The following LAMA2 variants were observed in gnomAD, a reference collection of about 807,000 sequenced individuals.
LAMA2 encodes laminin subunit alpha-2.
LAMA2 carries 269 observed loss-of-function variants against 364.8 expected under a neutral mutation model. The ratio of observed to expected loss-of-function variants is 0.74; its 90% CI spans 0.67 to 0.82. The LOEUF (loss-of-function observed/expected upper bound fraction) is 0.82, where lower values mean the gene tolerates loss of function less well. LAMA2 is among the 40% of genes least tolerant of loss of function. The pLI, the probability that LAMA2 is intolerant of heterozygous loss-of-function variation, is 0.00. For missense variants in LAMA2, 3,807 were observed against 3,873.2 expected, an observed-to-expected ratio of 0.98 and a Z score of 0.45; for synonymous variants, 1,379 against 1,370.6, an observed-to-expected ratio of 1.01 and a Z score of -0.14.
Position 129,190,241 on chromosome 6 carries a change from T to G in LAMA2, c.1504T>G (p.Ser502Ala). Residue 502 changes from serine to alanine, a missense_variant, in exon 11 of 65, where the codon TCC (serine) becomes GCC (alanine). Physicochemically the swap from Ser to Ala is moderately conservative, Grantham distance 99. Transcript: ENST00000421865. ...VEGGDCSRCKSGFFNLQEDNW... is the reference protein window; with the variant it reads ...VEGGDCSRCKAGFFNLQEDNW... The stretch of plus-strand genomic sequence containing the variant: ...AGGAGGAGACTGTAGTCGTTGCAAA[T>G]CCGGCTTCTTCAATTTGCAAGAGGA... 1.2e-6 allele frequency: 2 copies of G among 1,613,730 alleles called. No homozygotes were observed. The highest frequency in any genetic ancestry group is 1.7e-6 in the Non-Finnish European group (2 of 1,179,650).
intron 4 of LAMA2, among the ~76,000 whole-genome samples, chr6:129,100,757 A>T (rs1775475062): frequency 6.6e-6 from 1 of 152,226 alleles, no homozygotes; most frequent in Non-Finnish European, 1.5e-5. Context: ...AAAAGACACA[A>T]GGAATTAGAA....
chr6:129,314,025 T>G (rs1774397214), intron 23 of LAMA2, among the ~76,000 whole-genome samples: 1 of 152,208 alleles, frequency 6.6e-6, no homozygotes, highest in African/African-American at 2.4e-5. Context: ...GACTCAATGT[T>G]TTTATGTTGC....
Position 129,345,436 on chromosome 6 carries a change from T to C in LAMA2, c.4436+2969T>C, listed in dbSNP as rs9492303. Reference sequence around the variant, plus strand: ...ATTTGAATTTACAGTTTTAAGAAATTTCAAGAATAAAATGATAGAATACTA... The same window carrying C: ...ATTTGAATTTACAGTTTTAAGAAATCTCAAGAATAAAATGATAGAATACTA... On this transcript the variant is annotated intron_variant, in intron 30 of 64. Coordinates refer to ENST00000421865, the MANE Select transcript of LAMA2 (RefSeq NM_000426.4). Among the ~76,000 whole-genome samples, 1,354 of 152,258 alleles carry C rather than the reference T, an allele frequency of 8.9e-3. 21 individuals are homozygous for C. Among genetic ancestry groups the C allele is most frequent in the African/African-American group, 0.031 (1,302 of 41,542 alleles).
chr6:128,978,010 A>G (rs1314477588), intron 1 of LAMA2, among the ~76,000 whole-genome samples: 1 of 152,218 alleles, frequency 6.6e-6, no homozygotes, highest in Non-Finnish European at 1.5e-5. Flanking sequence ...TTTTAAAATG[A>G]TATCATTAAA....
intron 1 of LAMA2, among the ~76,000 whole-genome samples, chr6:128,943,269 C>CACACAGAGAGAGAGAG (rs1365657711): frequency 2.9e-4 from 42 of 143,192 alleles, no homozygotes; most frequent in African/African-American, 1.0e-3. Flanking sequence ...TATATATACA[C>CACACAGAGAGAGAGAG]AGAGAGAGAG....
intron 12 of LAMA2, among the ~76,000 whole-genome samples, chr6:129,224,153 T>G (rs1469920257): frequency 1.3e-5 from 2 of 152,188 alleles, no homozygotes; most frequent in Admixed American, 1.3e-4. Flanking sequence ...GATTGTCTGT[T>G]GTTAGTGTAT....
intron 62 of LAMA2, among the ~76,000 whole-genome samples, chr6:129,508,212 A>C (rs1318907857): frequency 7.6e-6 from 1 of 131,452 alleles, no homozygotes; most frequent in Non-Finnish European, 1.7e-5. Context: ...ACCTCTACAT[A>C]ATAATTTTTT....
intron 3 of LAMA2, among the ~76,000 whole-genome samples, chr6:129,088,188 G>A (rs75054281): frequency 6.7e-6 from 1 of 149,358 alleles, no homozygotes; most frequent in Non-Finnish European, 1.5e-5. Context: ...CACAGCACAT[G>A]TTTCAGAGAG....
chr6:129,214,144 A>G (rs746850486), intron 12 of LAMA2, among the ~76,000 whole-genome samples: 2 of 152,148 alleles, frequency 1.3e-5, no homozygotes, highest in Non-Finnish European at 2.9e-5. Flanking sequence ...AGAGAGTTCT[A>G]TTTAGCTTGT....
In LAMA2 at chr6:129,505,214, A is replaced by T. The variant is rs766363871; in HGVS notation, c.8562A>T (p.Arg2854Ser). ...DGQWHKIKIM[R>S]SKQEGILYVD... ...CTTTTTTGTAGATTAAGATAATGAG[A>T]AGTAAGCAAGAAGGAATTCTTTATG... The change falls in exon 61 of 65, where the codon AGA becomes AGT. Residue 2854 changes from arginine to serine, a missense_variant. Physicochemically the swap from Arg to Ser is moderately radical, Grantham distance 110. Transcript: ENST00000421865. 1 of 1,613,876 alleles carries T rather than the reference A, an allele frequency of 6.2e-7. No homozygotes were observed. Among genetic ancestry groups the T allele is most frequent in the South Asian group, 1.1e-5 (1 of 91,082 alleles).
intron 3 of LAMA2, among the ~76,000 whole-genome samples, chr6:129,062,365 A>G (rs1161174667): frequency 6.6e-6 from 1 of 152,180 alleles, no homozygotes; most frequent in Non-Finnish European, 1.5e-5. Flanking sequence ...GTCTGAATCC[A>G]GACCCAAATA....
chr6:129,490,625 G>A (rs970768640), intron 56 of LAMA2: 1 of 152,184 alleles, frequency 6.6e-6, no homozygotes, highest in Admixed American at 6.5e-5. Context: ...AGCTAAAGGG[G>A]AAAAAGAGTG....
In LAMA2 at chr6:129,049,936, T is replaced by G. The variant is rs1201126982; in HGVS notation, c.131T>G (p.Leu44Arg). The G allele has an allele frequency of 6.2e-7, 1 of 1,614,038 alleles. No homozygotes were observed. Among genetic ancestry groups the G allele is most frequent in the Non-Finnish European group, 8.5e-7 (1 of 1,179,876 alleles). ...TTTTCAGGTTTATTCCCTGCTGTCC[T>G]GAATCTTGCTTCTAATGCTCTTATC... ...HQQRGLFPAV[L>R]NLASNALITT... The change falls in exon 2 of 65, where the codon CTG becomes CGG. Residue 44 changes from leucine (L) to arginine (R), a missense_variant. This residue lies in a region of LAMA2 where 394 missense variants were observed against 403.5 expected (regional missense o/e 0.98). Transcript: ENST00000421865.
intron 8 of LAMA2, chr6:129,158,215 T>C (rs1779238163): frequency 6.2e-7 from 1 of 1,613,856 alleles, no homozygotes; most frequent in Non-Finnish European, 8.5e-7. Context: ...TAGAGCTGAG[T>C]CCAGGAACCT....
chr6:129,158,266 C>G (rs1293264846), intron 8 of LAMA2: 3 of 1,614,030 alleles, frequency 1.9e-6, no homozygotes, highest in Admixed American at 3.3e-5. Context: ...AGTATGTTTT[C>G]ATGGCGCATT....
chr6:129,483,584 T>A (rs1382728430), intron 55 of LAMA2, among the ~76,000 whole-genome samples: 1 of 152,192 alleles, frequency 6.6e-6, no homozygotes, highest in Non-Finnish European at 1.5e-5. Flanking sequence ...GATATGTAGA[T>A]TCAATTATAA....
chr6:129,294,491 A>G (rs1202952944), intron 20 of LAMA2, among the ~76,000 whole-genome samples: 2 of 152,194 alleles, frequency 1.3e-5, no homozygotes, highest in East Asian at 3.9e-4. Flanking sequence ...TGGGGGAGGA[A>G]ACTCTCTGAG....
chr6:129,228,703 G>A (rs780764845), intron 12 of LAMA2, among the ~76,000 whole-genome samples: 80 of 152,102 alleles, frequency 5.3e-4, no homozygotes, highest in Non-Finnish European at 9.9e-4. Context: ...AAAGACTCCT[G>A]TTCTAGGTAA....
At chr6:129,070,794 G>A (rs74770336) in intron 3 of LAMA2, among the ~76,000 whole-genome samples, 22 of 152,182 alleles carry the variant, frequency 1.4e-4, no homozygotes, top group Middle Eastern at 3.4e-3. Context: ...TGTCTAGTTT[G>A]GCAGTGTTGG....
Sources: allele counts gnomAD v4.1 joint callset (sites outside exome capture counted in the v4.1 genomes callset), GRCh38; gene constraint gnomAD v4.1.1; regional missense constraint gnomAD v4.1.1; transcripts MANE v1.5; gene names NCBI Gene and HGNC (gene_info 2026-07-23, HGNC 2026-07-21).